MTCH1: variants seen among roughly 807,000 people sequenced by gnomAD.
MTCH1 encodes the protein mitochondrial carrier homolog 1.
MTCH1 carries 23 observed loss-of-function variants against 49.3 expected under a neutral mutation model. That is an observed-to-expected ratio of 0.47 (90% CI 0.34 to 0.66). The LOEUF (loss-of-function observed/expected upper bound fraction) is 0.66, where lower values mean the gene tolerates loss of function less well. Ranked by LOEUF, MTCH1 falls within the 30% of genes least tolerant of loss-of-function variation. MTCH1 has a pLI of 0.01. For synonymous variants in MTCH1, 229 were observed against 215.2 expected (o/e 1.06, Z -0.56); for missense variants, 397 against 532.1 (o/e 0.75, Z 2.50).
At chr6:36,979,814 C>T (rs1472876398) in intron 2 of MTCH1, among the ~76,000 whole-genome samples, 1 of 152,136 alleles carries the variant, frequency 6.6e-6, no homozygotes, top group Non-Finnish European at 1.5e-5. Flanking sequence ...AACATCGACC[C>T]TCTTCCATCT....
rs754382192 is a variant in MTCH1, at chr6:36,981,577, G to T, written c.406+11C>A. On this transcript the variant is annotated intron_variant, in intron 2 of 11. Transcript: ENST00000373627. ...TTGGTGTGGGCTTTCCTGCTTGGGA[G>T]GCACACTCACCGTAGGTGAAGAAGC... 1 of 1,613,362 alleles carries T rather than the reference G, an allele frequency of 6.2e-7. No individual in the cohort carries two copies. Among genetic ancestry groups the T allele is most frequent in the Non-Finnish European group, 8.5e-7 (1 of 1,179,610 alleles).
In MTCH1 at chr6:36,977,663, A is replaced by G. The variant is rs748267263; in HGVS notation, c.620T>C (p.Val207Ala). ...CAGGGGGTGGGCCAACATGCGGGAC[A>G]CACACTGCATCATCATCTCGTAGGA... ...ETSYEMMMQC[V>A]SRMLAHPLHV... The change falls in exon 5 of 12, where the codon GTG becomes GCG. Residue 207 changes from valine (V) to alanine (A), a missense_variant. Physicochemically the swap from Val to Ala is moderately conservative, Grantham distance 64. Coordinates refer to ENST00000373627, the MANE Select transcript of MTCH1 (RefSeq NM_001271641.2). The surrounding 1 kb of genome is among the most constrained non-coding windows in gnomAD (Gnocchi z 5.4). The G allele has an allele frequency of 1.2e-6, 2 of 1,610,746 alleles. No individual in the cohort carries two copies. The highest frequency in any genetic ancestry group is 1.3e-5 in the African/African-American group (1 of 74,824).
At chr6:36,978,372 C>T (rs1763965946) in intron 3 of MTCH1, 133 bp downstream of exon 3, 1 of 955,922 alleles carries the variant, frequency 1.0e-6, no homozygotes. Flanking sequence ...GTGGGAGCTC[C>T]CCCATGGGGC....
At chr6:36,969,284 GAC>G (rs1347480472) in intron 11 of MTCH1, 7 of 985,318 alleles carry the variant, frequency 7.1e-6, no homozygotes, top group Non-Finnish European at 8.4e-6. Context: ...GGGAGGACGA[GAC>G]ACACTCACGC....
chr6:36,976,853 G>A (rs184332097), intron 6 of MTCH1, among the ~76,000 whole-genome samples: 6 of 152,308 alleles, frequency 3.9e-5, no homozygotes, highest in Middle Eastern at 3.4e-3. Context: ...CGGAAAAATC[G>A]TTAGAGCATT....
Position 36,968,975 on chromosome 6 carries a change from C to G in MTCH1, c.1099-1G>C. The G allele has an allele frequency of 6.2e-7, 1 of 1,613,984 alleles. No individual in the cohort carries two copies. The highest frequency in any genetic ancestry group is 1.1e-5 in the South Asian group (1 of 91,066). ...GGCTGGAGCCTCGGAAGAGCTGGCC[C>G]TGGACCAGAAGGAAAAGTAAGGTGA... On this transcript the variant is annotated splice_acceptor_variant, in intron 11 of 11. Transcript: ENST00000373627. LOFTEE classifies it high-confidence loss of function.
At chr6:36,975,136 C>T (rs1200296903) in intron 7 of MTCH1, among the ~76,000 whole-genome samples, 1 of 152,192 alleles carries the variant, frequency 6.6e-6, no homozygotes, top group East Asian at 1.9e-4. Context: ...CAGAAAGAAC[C>T]GCTCAGCAGG....
chr6:36,969,793 T>C, intron 11 of MTCH1: 1 of 1,429,854 alleles, frequency 7.0e-7, no homozygotes, highest in South Asian at 1.3e-5. Flanking sequence ...TCTTTAAGAC[T>C]CAAAGAAGAA....
intron 2 of MTCH1, among the ~76,000 whole-genome samples, chr6:36,979,132 C>T (rs1010328164): frequency 6.6e-6 from 1 of 152,166 alleles, no homozygotes; most frequent in African/African-American, 2.4e-5. Flanking sequence ...CCTGCACATG[C>T]CACGGCCAGG....
chr6:36,975,775 C>T (rs1763858961), intron 6 of MTCH1, 58 bp from the exon 7 acceptor site: 1 of 1,538,056 alleles, frequency 6.5e-7, no homozygotes, highest in Non-Finnish European at 9.0e-7. Flanking sequence ...AGAAGCCCAC[C>T]CGTTGGTGTG....
intron 6 of MTCH1, 28 bp from the exon 7 acceptor site, chr6:36,975,745 G>A (rs769993445): frequency 1.4e-5 from 22 of 1,609,006 alleles, no homozygotes; most frequent in Admixed American, 6.7e-5. Context: ...CAGAGATACA[G>A]GGTCATGCAG....
rs1050334316 is a variant in MTCH1, at chr6:36,977,483, G to T, written c.649+151C>A. Reference sequence around the variant, plus strand: ...TGGAAAGAATTCCAATCTCTCCTCAGTGAGGTGGGTTCCAGTAGAATACCC... The same window carrying T: ...TGGAAAGAATTCCAATCTCTCCTCATTGAGGTGGGTTCCAGTAGAATACCC... On this transcript the variant is annotated intron_variant, in intron 5 of 11. Coordinates refer to ENST00000373627, the MANE Select transcript of MTCH1 (RefSeq NM_001271641.2). This position sits in a 1 kb window ranked among gnomAD's most constrained non-coding sequence, Gnocchi z 5.4. 6 of 689,208 alleles carry T rather than the reference G, an allele frequency of 8.7e-6. No homozygotes were observed. Among genetic ancestry groups the T allele is most frequent in the Non-Finnish European group, 1.5e-5 (6 of 396,210 alleles). 42.7% of individuals were successfully genotyped at this position (689,208 alleles called of 1,614,324 possible). A position where few individuals can be genotyped will look rare whatever the true frequency, so the allele number is the denominator to read the frequency against.
At chr6:36,969,306 C>T in intron 11 of MTCH1, 7 of 985,434 alleles carry the variant, frequency 7.1e-6, no homozygotes, top group Non-Finnish European at 8.4e-6. Context: ...CTGACCAGGG[C>T]CACTGGGAAG....
Position 36,968,750 on chromosome 6 carries a change from TG to T in MTCH1, c.*152del. 1 of 1,250,172 alleles carries T rather than the reference TG, an allele frequency of 8.0e-7. No homozygotes were observed. Among genetic ancestry groups the T allele is most frequent in the Non-Finnish European group, 1.1e-6 (1 of 877,894 alleles). The allele number at this position is 1,250,172 out of a possible 1,614,324, so 77.4% of individuals were successfully genotyped here. A position where few individuals can be genotyped will look rare whatever the true frequency, so the allele number is the denominator to read the frequency against. Reference sequence around the variant, plus strand: ...CCCCACCCCCGCTCAACCCCACATCTGGACAGACACATGGCAAATATGGAAC... The same window carrying T: ...CCCCACCCCCGCTCAACCCCACATCTGACAGACACATGGCAAATATGGAAC... On this transcript the variant is annotated 3_prime_UTR_variant, in exon 12 of 12. Coordinates refer to ENST00000373627, the MANE Select transcript of MTCH1 (RefSeq NM_001271641.2).
intron 2 of MTCH1, among the ~76,000 whole-genome samples, chr6:36,980,590 A>G (rs978465485): frequency 5.3e-5 from 8 of 152,282 alleles, no homozygotes; most frequent in Admixed American, 3.9e-4. Context: ...AAACTGGAAG[A>G]GAAATATGAC....
intron 7 of MTCH1, among the ~76,000 whole-genome samples, chr6:36,973,314 C>T (rs1306122347): frequency 6.6e-6 from 1 of 152,086 alleles, no homozygotes; most frequent in African/African-American, 2.4e-5. Flanking sequence ...AAGGAAGGTT[C>T]CCCAAGATGC....
Position 36,970,099 on chromosome 6 carries a change from G to T in MTCH1, c.1038C>A (p.Leu346=), listed in dbSNP as rs897327281. ...AVNNCGLQAG[L]PPYSPVFKSW... ...ATTTGAACACTGGGGAGTAAGGGGG[G>T]AGCCCAGCTTGCAGCCTGCCGGAGA... is the stretch of plus-strand genomic sequence containing the variant. The change falls in exon 11 of 12, where the codon CTC becomes CTA. Residue 346 remains leucine (L), a synonymous_variant. Coordinates refer to ENST00000373627, the MANE Select transcript of MTCH1 (RefSeq NM_001271641.2). 6 of 1,613,910 alleles carry T rather than the reference G, an allele frequency of 3.7e-6. No homozygotes were observed. The highest frequency in any genetic ancestry group is 1.7e-5 in the Admixed American group (1 of 60,012).
chr6:36,968,550 G>A lies in MTCH1; in HGVS notation c.*353C>T, dbSNP rs1457958771. The stretch of plus-strand genomic sequence containing the variant: ...CTGGGCTGACTGGAGGGGTAGACGG[G>A]GTGGGGTCTGACCCCATTAGCCTTT... On this transcript the variant is annotated 3_prime_UTR_variant, in exon 12 of 12. Transcript: ENST00000373627. 13 of 375,480 alleles carry A rather than the reference G, an allele frequency of 3.5e-5. No homozygotes were observed. Among genetic ancestry groups the A allele is most frequent in the Non-Finnish European group, 3.1e-5 (6 of 192,148 alleles). The allele number at this position is 375,480 out of a possible 1,614,324, so 23.3% of individuals were successfully genotyped here. A position where few individuals can be genotyped will look rare whatever the true frequency, so the allele number is the denominator to read the frequency against.
At position 36,982,636 on chromosome 6, in the gene MTCH1, G is replaced by A. The variant is rs111469215; in HGVS notation, c.322-964C>T. 0.12 allele frequency among the ~76,000 whole-genome samples: 17,551 copies of A among 152,194 alleles called. 1,232 individuals carry two copies. Among genetic ancestry groups the A allele is most frequent in the Admixed American group, 0.17 (2,580 of 15,294 alleles). On this transcript the variant is annotated intron_variant, in intron 1 of 11. Coordinates refer to ENST00000373627, the MANE Select transcript of MTCH1 (RefSeq NM_001271641.2). The surrounding 1 kb of genome is among the most constrained non-coding windows in gnomAD (Gnocchi z 4.1). ...ACTCCCGACCTCAGGTGATCCACCC[G>A]CCTCGGCCTCCCAAAGTGCTGGGAT...
Sources: gnomAD v4.1 joint callset for allele counts (sites outside exome capture counted in the v4.1 genomes callset) on GRCh38, gnomAD v4.1.1 for gene constraint, Gnocchi (gnomAD v3.1) non-coding constraint, MANE v1.5 for transcripts, NCBI Gene and HGNC (gene_info 2026-07-23, HGNC 2026-07-21) for gene names.